The following IL1RAPL1 variants were observed in gnomAD, a reference collection of about 807,000 sequenced individuals.
IL1RAPL1 encodes the protein interleukin-1 receptor accessory protein-like 1.
In IL1RAPL1, 3 loss-of-function variants were observed where a neutral mutation model predicts 48.4. That is an observed-to-expected ratio of 0.06 (90% CI 0.03 to 0.16). The LOEUF is 0.16. Among genes scored for constraint, IL1RAPL1 ranks in the 10% least tolerant of loss-of-function variants. IL1RAPL1 has a pLI of 1.00. For missense variants in IL1RAPL1, 349 were observed against 530.6 expected (o/e 0.66, Z 3.36); for synonymous variants, 185 against 187.7 (o/e 0.99, Z 0.12).
At chrX:29,164,726 A>G (rs997345812) in intron 2 of IL1RAPL1, among the ~76,000 whole-genome samples, 1 of 111,974 alleles carries the variant, frequency 8.9e-6, no homozygotes, top group African/African-American at 3.2e-5. Context: ...TTTCACTCAC[A>G]GACTTTTTCG....
intron 1 of IL1RAPL1, among the ~76,000 whole-genome samples, chrX:28,597,746 T>C (rs1428663661): frequency 9.1e-6 from 1 of 110,010 alleles, no homozygotes; most frequent in Admixed American, 9.9e-5. Flanking sequence ...AATAAATAAA[T>C]AAGCAAACAA....
chrX:29,584,507 G>A (rs1256127276), intron 5 of IL1RAPL1, among the ~76,000 whole-genome samples: 1 of 111,019 alleles, frequency 9.0e-6, no homozygotes, highest in Non-Finnish European at 1.9e-5. Flanking sequence ...CCACCGCTTT[G>A]CTCAAAGTGT....
chrX:28,677,881 C>T (rs1935016347), intron 1 of IL1RAPL1, among the ~76,000 whole-genome samples: 1 of 111,602 alleles, frequency 9.0e-6, no homozygotes, highest in Middle Eastern at 4.6e-3. Context: ...AGCCACCACA[C>T]CCAGCCTGAT....
At chrX:29,859,347 G>A (rs181718365) in intron 6 of IL1RAPL1, among the ~76,000 whole-genome samples, 60 of 111,596 alleles carry the variant, frequency 5.4e-4, no homozygotes, top group African/African-American at 1.9e-3. Flanking sequence ...TACCTCTGAT[G>A]GCTCTCCATA....
At chrX:29,213,924 A>G (rs2039525267) in intron 2 of IL1RAPL1, among the ~76,000 whole-genome samples, 1 of 111,577 alleles carries the variant, frequency 9.0e-6, no homozygotes, top group Admixed American at 9.6e-5. Context: ...CGTTCCTCCA[A>G]CAGGAATAGA....
At chrX:28,803,974 C>G (rs1024305457) in intron 2 of IL1RAPL1, among the ~76,000 whole-genome samples, 66 of 112,223 alleles carry the variant, frequency 5.9e-4, no homozygotes, top group African/African-American at 2.0e-3. Flanking sequence ...TATGATTTAT[C>G]TTTATTAATT....
At chrX:29,496,833 G>C (rs1006114020) in intron 5 of IL1RAPL1, among the ~76,000 whole-genome samples, 5 of 111,791 alleles carry the variant, frequency 4.5e-5, no homozygotes, top group Admixed American at 2.9e-4. Flanking sequence ...CTTGTGCAAA[G>C]TCTGGGACCT....
chrX:29,716,037 G>T (rs1222179860), intron 6 of IL1RAPL1, among the ~76,000 whole-genome samples: 1 of 111,533 alleles, frequency 9.0e-6, no homozygotes, highest in African/African-American at 3.3e-5. Context: ...TTGATTCTCT[G>T]GGACAGAGTC....
Position 29,399,136 on chromosome X carries a change from TTGTA to T in IL1RAPL1, c.550-15_550-12del. ...TCCATTACTATATGTACTACCAAAA[TTGTA>T]TGTTCTTCATATAGGAATGCAGGAC... On this transcript the variant is annotated splice_polypyrimidine_tract_variant and intron_variant, in intron 4 of 10. Coordinates refer to ENST00000378993, the MANE Select transcript of IL1RAPL1 (RefSeq NM_014271.4). The T allele has an allele frequency of 1.7e-6, 2 of 1,176,656 alleles. No homozygotes were observed. Among genetic ancestry groups the T allele is most frequent in the South Asian group, 3.6e-5 (2 of 56,010 alleles).
intron 2 of IL1RAPL1, among the ~76,000 whole-genome samples, chrX:29,010,012 T>A (rs1926086029): frequency 8.9e-6 from 1 of 112,066 alleles, no homozygotes; most frequent in Non-Finnish European, 1.9e-5. Flanking sequence ...TATTTATGTG[T>A]AGCTATAGTA....
chrX:28,812,413 G>A (rs1235244018), intron 2 of IL1RAPL1, among the ~76,000 whole-genome samples: 1 of 110,262 alleles, frequency 9.1e-6, no homozygotes, highest in East Asian at 2.8e-4. Context: ...CATATTCTTG[G>A]ATCCTTACCA....
intron 2 of IL1RAPL1, among the ~76,000 whole-genome samples, chrX:28,821,279 T>C (rs1001637197): frequency 1.8e-5 from 2 of 110,982 alleles, no homozygotes; most frequent in African/African-American, 6.6e-5. Context: ...GTTTGTGGGG[T>C]GTTTGTCTGA....
chrX:29,910,903 C>A (rs1347702964), intron 6 of IL1RAPL1, among the ~76,000 whole-genome samples: 1 of 111,524 alleles, frequency 9.0e-6, no homozygotes, highest in African/African-American at 3.3e-5. Flanking sequence ...AAACTGGAAC[C>A]CTCATACATT....
At chrX:29,791,287 T>C (rs1487460096) in intron 6 of IL1RAPL1, among the ~76,000 whole-genome samples, 5 of 111,562 alleles carry the variant, frequency 4.5e-5, no homozygotes, top group African/African-American at 1.6e-4. Flanking sequence ...ACATCCTAAG[T>C]TGGATCCTGG....
chrX:29,144,068 C>T (rs1477454004), intron 2 of IL1RAPL1, among the ~76,000 whole-genome samples: 1 of 110,998 alleles, frequency 9.0e-6, no homozygotes, highest in African/African-American at 3.3e-5. Context: ...ATCAAATAAA[C>T]CACACAATTG....
chrX:28,667,568 A>G (rs1254335253), intron 1 of IL1RAPL1, among the ~76,000 whole-genome samples: 2 of 111,477 alleles, frequency 1.8e-5, no homozygotes, highest in African/African-American at 3.3e-5. Flanking sequence ...ATTCTTCCAC[A>G]TGTCTGGTTC....
chrX:29,214,242 A>C (rs1317496977), intron 2 of IL1RAPL1, among the ~76,000 whole-genome samples: 1 of 111,697 alleles, frequency 9.0e-6, no homozygotes, highest in Admixed American at 9.6e-5. Context: ...GAGGTATTTG[A>C]CCATGGCTTG....
At chrX:29,249,047 G>A (rs1602134346) in intron 2 of IL1RAPL1, among the ~76,000 whole-genome samples, 2 of 111,311 alleles carry the variant, frequency 1.8e-5, no homozygotes, top group East Asian at 5.6e-4. Context: ...TCGAAACAAC[G>A]GTTATAGTAC....
intron 2 of IL1RAPL1, among the ~76,000 whole-genome samples, chrX:28,822,575 T>G (rs1370365547): frequency 8.9e-6 from 1 of 111,920 alleles, no homozygotes; most frequent in Non-Finnish European, 1.9e-5. Context: ...TCTACCCTCC[T>G]TGGTCAAGCT....
Sources: gnomAD v4.1 joint callset for allele counts (sites outside exome capture counted in the v4.1 genomes callset) on GRCh38, gnomAD v4.1.1 for gene constraint, MANE v1.5 for transcripts, NCBI Gene and HGNC (gene_info 2026-07-23, HGNC 2026-07-21) for gene names.